Variants in TXNRD2 observed in about 807,000 individuals in gnomAD.
TXNRD2 encodes the protein thioredoxin reductase 2.
A neutral mutation model predicts 70.8 loss-of-function variants in TXNRD2; 67 were observed. The observed-to-expected ratio is 0.95, with a 90% confidence interval of 0.78 to 1.16. TXNRD2 has a LOEUF of 1.16. TXNRD2 is among the 50% of genes most tolerant of loss of function. TXNRD2 has a pLI of 0.00. For synonymous variants in TXNRD2, 301 were observed against 295.8 expected (o/e 1.02, Z -0.18); for missense variants, 644 against 719.9 (o/e 0.89, Z 1.21).
chr22:19,876,430 T>A (rs1938509450), intron 17 of TXNRD2: 1 of 152,216 alleles, frequency 6.6e-6, no homozygotes, highest in South Asian at 2.1e-4. Flanking sequence ...GGCACAGGCA[T>A]CCCTGGGGCA....
chr22:19,930,635 C>G lies in TXNRD2; in HGVS notation c.172+395G>C, dbSNP rs112707785. Among the ~76,000 whole-genome samples, 3 of 152,214 alleles carry G rather than the reference C, an allele frequency of 2.0e-5. No individual in the cohort carries two copies. The East Asian group carries it at 5.8e-4, about 29-fold the overall frequency. ...GTGCAGCTCCAGCCTCGCAGCTAGC[C>G]GGGCAGGGGCAGAGAGCAGGCAGGC... On this transcript the variant is annotated intron_variant, in intron 2 of 17. Transcript: ENST00000400521.
At chr22:19,901,505 A>G (rs979543777) in intron 8 of TXNRD2, among the ~76,000 whole-genome samples, 12 of 152,204 alleles carry the variant, frequency 7.9e-5, no homozygotes, top group Non-Finnish European at 8.8e-5. Context: ...TCTTGTTGTC[A>G]TGAGCAAGGA....
chr22:19,881,707 T>C (rs1476219856), intron 12 of TXNRD2, among the ~76,000 whole-genome samples: 1 of 152,178 alleles, frequency 6.6e-6, no homozygotes, highest in Non-Finnish European at 1.5e-5. Context: ...GAGATGCACA[T>C]GGCACTGTCT....
Position 19,880,646 on chromosome 22 carries a change from G to T in TXNRD2, c.1158C>A (p.Ser386=), listed in dbSNP as rs558954630. The change falls in exon 13 of 18, where the codon TCC becomes TCA. Residue 386 remains serine (S), a synonymous_variant. Coordinates refer to ENST00000400521, the MANE Select transcript of TXNRD2 (RefSeq NM_006440.5). ...CATTGTCGTAGTCCATCAGATCTGA[G>T]GACCCGCCGAAGAGCCGCTGCACCA... is the stretch of plus-strand genomic sequence containing the variant. ...RLLVQRLFGG[S]SDLMDYDNVP... 6.2e-7 allele frequency: 1 copy of T among 1,613,222 alleles called. No homozygotes were observed.
intron 2 of TXNRD2, among the ~76,000 whole-genome samples, chr22:19,922,693 TTC>T (rs1377543732): frequency 1.3e-5 from 2 of 152,124 alleles, no homozygotes; most frequent in African/African-American, 4.8e-5. Context: ...GGATCTTTTT[TTC>T]TCTTTTTTTG....
rs1017721009 is a variant in TXNRD2 at position 19,880,097 on chromosome 22, T to C, written c.1275+82A>G. 8 of 1,453,414 alleles carry C rather than the reference T, an allele frequency of 5.5e-6. No homozygotes were observed. In the African/African-American group the frequency reaches 1.1e-4, roughly 20 times the overall value. The allele number at this position is 1,453,414 out of a possible 1,614,324, so 90.0% of individuals were successfully genotyped here. The stretch of plus-strand genomic sequence containing the variant: ...CTGGAAAGGAGAGACCTTGGCACCC[T>C]GCTCACAAGGCCTCCGCCCAGAGCA... On this transcript the variant is annotated intron_variant, in intron 14 of 17. Coordinates refer to ENST00000400521, the MANE Select transcript of TXNRD2 (RefSeq NM_006440.5).
chr22:19,936,763 C>A (rs548935996), intron 1 of TXNRD2, among the ~76,000 whole-genome samples: 1 of 152,112 alleles, frequency 6.6e-6, no homozygotes, highest in East Asian at 1.9e-4. Context: ...TATACCAGTC[C>A]GACCCCGTCA....
At chr22:19,909,707 A>ATT (rs1940262451) in intron 8 of TXNRD2, among the ~76,000 whole-genome samples, 1 of 129,310 alleles carries the variant, frequency 7.7e-6, no homozygotes, top group African/African-American at 3.0e-5. Context: ...CACACACACC[A>ATT]CACACACCAC....
chr22:19,895,099 T>A (rs1484418501), intron 11 of TXNRD2: 1 of 1,598,102 alleles, frequency 6.3e-7, no homozygotes, highest in South Asian at 1.1e-5. Context: ...ATTGCCTAGT[T>A]GATCCTCGAT....
At chr22:19,910,274 G>A (rs1022299192) in intron 8 of TXNRD2, among the ~76,000 whole-genome samples, 1 of 152,218 alleles carries the variant, frequency 6.6e-6, no homozygotes, top group African/African-American at 2.4e-5. Flanking sequence ...CCACTTGCAC[G>A]CTGCTAGCCT....
Position 19,925,613 on chromosome 22 carries a change from G to A in TXNRD2, c.172+5417C>T, listed in dbSNP as rs1402191603. ...TAACATAGAATGAAGGTTAGGAGGG[G>A]TGGAATAGATGTATGCTTTTTTAAG... On this transcript the variant is annotated intron_variant, in intron 2 of 17. Transcript: ENST00000400521. 2.6e-5 allele frequency among the ~76,000 whole-genome samples: 4 copies of A among 151,864 alleles called. 1 individual carries two copies. The highest frequency in any genetic ancestry group is 1.3e-4 in the Admixed American group (2 of 15,206).
At chr22:19,915,423 T>C (rs1940593329) in intron 6 of TXNRD2, 147 bp from the exon 7 acceptor site, 8 of 832,912 alleles carry the variant, frequency 9.6e-6, no homozygotes, top group East Asian at 2.7e-5. Flanking sequence ...AGAGGCCCTA[T>C]GGAGCTGGAA....
rs1342049478 is a variant in TXNRD2, at chr22:19,918,854, C to A, written c.374+6G>T. Reference sequence around the variant, plus strand: ...GCACTGGAATGCCACGGCGCCAGATCCTTACCAGTCATGCGGCACGGGCTG... The same window carrying A: ...GCACTGGAATGCCACGGCGCCAGATACTTACCAGTCATGCGGCACGGGCTG... On this transcript the variant is annotated splice_donor_region_variant and intron_variant, in intron 4 of 17. Transcript: ENST00000400521. 2 of 1,606,564 alleles carry A rather than the reference C, an allele frequency of 1.2e-6. No individual in the cohort carries two copies. The highest frequency in any genetic ancestry group is 1.7e-5 in the Admixed American group (1 of 59,986).
chr22:19,878,457 C>G lies in TXNRD2; in HGVS notation c.1276-20G>C. ...ATAGACCTGAGGACAGGATACCAACCCTGGATCAGTGCTGCGACAAACAAA... is the reference window on the plus strand; with the variant it reads ...ATAGACCTGAGGACAGGATACCAACGCTGGATCAGTGCTGCGACAAACAAA... On this transcript the variant is annotated intron_variant, in intron 14 of 17. Coordinates refer to ENST00000400521, the MANE Select transcript of TXNRD2 (RefSeq NM_006440.5). 6.2e-7 allele frequency: 1 copy of G among 1,611,882 alleles called. No individual in the cohort carries two copies. The highest frequency in any genetic ancestry group is 1.1e-5 in the South Asian group (1 of 91,062).
chr22:19,885,479 CT>C (rs1938986262), intron 11 of TXNRD2, among the ~76,000 whole-genome samples: 1 of 152,204 alleles, frequency 6.6e-6, no homozygotes, highest in Non-Finnish European at 1.5e-5. Context: ...AGCCTCTGTG[CT>C]CTGCTCAGCC....
chr22:19,891,998 C>T (rs1320652319), intron 11 of TXNRD2, among the ~76,000 whole-genome samples: 1 of 152,240 alleles, frequency 6.6e-6, no homozygotes, highest in Non-Finnish European at 1.5e-5. Context: ...AGGGCCAGCA[C>T]TCGGCCCCAC....
intron 3 of TXNRD2, 121 bp downstream of exon 3, chr22:19,919,422 G>T: frequency 1.1e-6 from 1 of 909,504 alleles, no homozygotes; most frequent in Non-Finnish European, 1.8e-6. Context: ...ACAGGACACT[G>T]TCCAGAAACC....
intron 2 of TXNRD2, among the ~76,000 whole-genome samples, chr22:19,924,443 G>A (rs772705509): frequency 9.2e-5 from 14 of 152,228 alleles, no homozygotes; most frequent in South Asian, 2.1e-4. Context: ...AAGGGGTGAC[G>A]GTTTACTTTC....
intron 1 of TXNRD2, chr22:19,933,561 T>C (rs1482381664): frequency 4.8e-6 from 6 of 1,260,502 alleles, no homozygotes; most frequent in African/African-American, 3.1e-5. Context: ...TCTGTATGGA[T>C]GTGCTTATCT....
Sources: allele counts gnomAD v4.1 joint callset (sites outside exome capture counted in the v4.1 genomes callset), GRCh38; gene constraint gnomAD v4.1.1; transcripts MANE v1.5; gene names NCBI Gene and HGNC (gene_info 2026-07-23, HGNC 2026-07-21).